PCDHGB6: variants seen among roughly 807,000 people sequenced by gnomAD.
PCDHGB6 encodes protocadherin gamma subfamily B, 6, also known as protocadherin gamma-B6.
PCDHGB6 carries 51 observed loss-of-function variants against 59.1 expected under a neutral mutation model. That is an observed-to-expected ratio of 0.86 (90% confidence interval 0.69 to 1.09). PCDHGB6 has a LOEUF of 1.09. Among genes scored for constraint, PCDHGB6 ranks in the 50% least tolerant of loss-of-function variants. The probability of loss-of-function intolerance (pLI) is 0.00; values close to 1 mark genes in which losing one functional copy is unlikely to be tolerated. For missense variants in PCDHGB6, 1,148 were observed against 1,205.1 expected, an observed-to-expected ratio of 0.95 and a Z score of 0.70; for synonymous variants, 466 against 495.1, an observed-to-expected ratio of 0.94 and a Z score of 0.78.
intron 2 of PCDHGB6, among the ~76,000 whole-genome samples, chr5:141,501,009 C>T (rs2099804715): frequency 2.0e-5 from 3 of 152,040 alleles, no homozygotes; most frequent in Non-Finnish European, 4.4e-5. Context: ...GCTGGGACTA[C>T]AGGCACGCGC....
intron 1 of PCDHGB6, among the ~76,000 whole-genome samples, chr5:141,453,827 C>T (rs2098775483): frequency 6.6e-6 from 1 of 152,320 alleles, no homozygotes; most frequent in South Asian, 2.1e-4. Flanking sequence ...AACTTGGCTG[C>T]TAGCCCTTCA....
Position 141,489,492 on chromosome 5 carries a change from G to T in PCDHGB6, c.2419-5315G>T, listed in dbSNP as rs1258376136. On this transcript the variant is annotated intron_variant, in intron 1 of 3. Coordinates refer to ENST00000520790, the MANE Select transcript of PCDHGB6 (RefSeq NM_018926.3). The surrounding 1 kb of genome is among the most constrained non-coding windows in gnomAD (Gnocchi z 4.5). ...CCCTGAGCTTGATGAGTGGTGCCCT[G>T]GCAGTGAATCAAAAGATTGACCGAG... 1 of 1,614,042 alleles carries T rather than the reference G, an allele frequency of 6.2e-7. No individual in the cohort carries two copies. The highest frequency in any genetic ancestry group is 1.1e-5 in the South Asian group (1 of 91,078).
intron 3 of PCDHGB6, among the ~76,000 whole-genome samples, chr5:141,509,022 C>G (rs2099873807): frequency 6.6e-6 from 1 of 152,206 alleles, no homozygotes; most frequent in East Asian, 1.9e-4. Context: ...CAGCTGCTCC[C>G]TCCCACTCAA....
intron 2 of PCDHGB6, among the ~76,000 whole-genome samples, chr5:141,504,782 G>A (rs2099841011): frequency 6.6e-6 from 1 of 151,926 alleles, no homozygotes; most frequent in Non-Finnish European, 1.5e-5. Context: ...AGGGTCTCTT[G>A]GGGCCTCCTA....
At chr5:141,488,083 C>T (rs917074240) in intron 1 of PCDHGB6, among the ~76,000 whole-genome samples, 1 of 152,152 alleles carries the variant, frequency 6.6e-6, no homozygotes, top group African/African-American at 2.4e-5. Context: ...GTATCTAGTA[C>T]ACTGTGAAGG....
Position 141,432,061 on chromosome 5 carries a change from G to A in PCDHGB6, c.2418+21441G>A. 1 of 1,614,130 alleles carries A rather than the reference G, an allele frequency of 6.2e-7. No homozygotes were observed. The highest frequency in any genetic ancestry group is 8.5e-7 in the Non-Finnish European group (1 of 1,180,034). ...ACCGGGGAACCCCGCCCCTATCCAC[G>A]GAAACTCATATCTCGCTGAACGTGG... On this transcript the variant is annotated intron_variant, in intron 1 of 3. Coordinates refer to ENST00000520790, the MANE Select transcript of PCDHGB6 (RefSeq NM_018926.3). The surrounding 1 kb of genome is among the most constrained non-coding windows in gnomAD (Gnocchi z 6.0).
chr5:141,423,462 C>G, intron 1 of PCDHGB6: 1 of 1,613,924 alleles, frequency 6.2e-7, no homozygotes, highest in Non-Finnish European at 8.5e-7. Flanking sequence ...TAGGCGTGGA[C>G]GGGGTACAGG....
intron 1 of PCDHGB6, among the ~76,000 whole-genome samples, chr5:141,457,459 C>G (rs749463185): frequency 1.6e-4 from 24 of 152,166 alleles, no homozygotes; most frequent in Non-Finnish European, 3.4e-4. Context: ...CCACTTGATT[C>G]ACAGGAATAA....
rs761754962 is a variant in PCDHGB6 at position 141,409,179 on chromosome 5, G to T, written c.977G>T (p.Gly326Val). 20 of 1,613,988 alleles carry T rather than the reference G, an allele frequency of 1.2e-5. No individual in the cohort carries two copies. The highest frequency in any genetic ancestry group is 1.6e-5 in the Non-Finnish European group (19 of 1,179,886). The stretch of plus-strand genomic sequence containing the variant: ...GAAGTGGAAGCGAAGGACGGAGGTG[G>T]TCTCTCTACCCAGTGTAAAGTAATC... ...TMEVEAKDGG[G>V]LSTQCKVIIE... The change falls in exon 1 of 4, where the codon GGT becomes GTT. Residue 326 changes from glycine to valine, a missense_variant. By Grantham distance (109) the Gly-to-Val change is moderately radical. This residue lies in a region of PCDHGB6 where 549 missense variants were observed against 527.5 expected (regional missense o/e 1.04). Coordinates refer to ENST00000520790, the MANE Select transcript of PCDHGB6 (RefSeq NM_018926.3).
chr5:141,498,105 G>C (rs150297456), intron 2 of PCDHGB6, among the ~76,000 whole-genome samples: 1 of 152,324 alleles, frequency 6.6e-6, no homozygotes, highest in East Asian at 1.9e-4. Flanking sequence ...TGGTGTGGGC[G>C]TATAATAGGG....
Position 141,491,208 on chromosome 5 carries a change from C to A in PCDHGB6, c.2419-3599C>A. ...TGAGGGACAATGGTGACCCTTCACT[C>A]TCCTCCACAGCCACAGTGCTGCTGG... On this transcript the variant is annotated intron_variant, in intron 1 of 3. Coordinates refer to ENST00000520790, the MANE Select transcript of PCDHGB6 (RefSeq NM_018926.3). The surrounding 1 kb of genome is among the most constrained non-coding windows in gnomAD (Gnocchi z 6.9). The A allele has an allele frequency of 6.2e-7, 1 of 1,614,204 alleles. No homozygotes were observed. Among genetic ancestry groups the A allele is most frequent in the African/African-American group, 1.3e-5 (1 of 75,058 alleles).
In PCDHGB6 at chr5:141,489,223, C is replaced by T. The variant is rs771455540; in HGVS notation, c.2419-5584C>T. The T allele has an allele frequency of 6.6e-7, 1 of 1,515,444 alleles. No homozygotes were observed. The highest frequency in any genetic ancestry group is 1.3e-5 in the South Asian group (1 of 75,776). 93.9% of individuals were successfully genotyped at this position (1,515,444 alleles called of 1,614,324 possible). A position where few individuals can be genotyped will look rare whatever the true frequency, so the allele number is the denominator to read the frequency against. The stretch of plus-strand genomic sequence containing the variant: ...CAGGACAGCACAGACTTACTCTCCA[C>T]AAAGGGACTTCTGGGTCATGGGGCC... On this transcript the variant is annotated intron_variant, in intron 1 of 3. Coordinates refer to ENST00000520790, the MANE Select transcript of PCDHGB6 (RefSeq NM_018926.3). The surrounding 1 kb of genome is among the most constrained non-coding windows in gnomAD (Gnocchi z 4.5).
intron 1 of PCDHGB6, among the ~76,000 whole-genome samples, chr5:141,454,195 T>A (rs1295815862): frequency 1.3e-5 from 2 of 152,136 alleles, no homozygotes; most frequent in Admixed American, 1.3e-4. Flanking sequence ...TTAGTGAAGG[T>A]GAATTTATTG....
chr5:141,414,263 A>G, intron 1 of PCDHGB6: 1 of 1,613,500 alleles, frequency 6.2e-7, no homozygotes, highest in Non-Finnish European at 8.5e-7. Flanking sequence ...GTGACTGAAG[A>G]TTCACCTCTG....
chr5:141,478,143 A>T (rs759384540), intron 1 of PCDHGB6: 1 of 1,614,014 alleles, frequency 6.2e-7, no homozygotes, highest in Non-Finnish European at 8.5e-7. Flanking sequence ...GCCCGAGCCG[A>T]GTTCCCCTCT....
intron 1 of PCDHGB6, chr5:141,418,002 G>A: frequency 1.9e-6 from 3 of 1,613,916 alleles, no homozygotes; most frequent in Non-Finnish European, 2.5e-6. Flanking sequence ...TCGGTGGTGG[G>A]GAACCTCGCT....
chr5:141,431,502 G>A lies in PCDHGB6; in HGVS notation c.2418+20882G>A, dbSNP rs749812839. ...CCAGCGTTTGCTCAGCCCGAGTACC[G>A]CGCGAGCGTTCCGGAGAATCTGGCC... On this transcript the variant is annotated intron_variant, in intron 1 of 3. Coordinates refer to ENST00000520790, the MANE Select transcript of PCDHGB6 (RefSeq NM_018926.3). This position sits in a 1 kb window ranked among gnomAD's most constrained non-coding sequence, Gnocchi z 4.8. 6 of 1,614,008 alleles carry A rather than the reference G, an allele frequency of 3.7e-6. No homozygotes were observed. In the East Asian group the frequency reaches 6.7e-5, roughly 18 times the overall value.
intron 3 of PCDHGB6, among the ~76,000 whole-genome samples, chr5:141,508,789 A>C: frequency 1.4e-5 from 2 of 145,944 alleles, no homozygotes; most frequent in African/African-American, 2.6e-5. Context: ...CCCCTAAATC[A>C]CTCTGGAATC....
At chr5:141,455,244 T>A (rs977940552) in intron 1 of PCDHGB6, among the ~76,000 whole-genome samples, 4 of 152,142 alleles carry the variant, frequency 2.6e-5, no homozygotes, top group Non-Finnish European at 4.4e-5. Flanking sequence ...TTAAAGGTCA[T>A]AGTACAATCG....
Sources: gnomAD v4.1 joint callset for allele counts (sites outside exome capture counted in the v4.1 genomes callset) on GRCh38, gnomAD v4.1.1 for gene constraint, gnomAD v4.1.1 regional missense constraint, Gnocchi (gnomAD v3.1) non-coding constraint, MANE v1.5 for transcripts, NCBI Gene and HGNC (gene_info 2026-07-23, HGNC 2026-07-21) for gene names.